DUSP18: variants seen among roughly 807,000 people sequenced by gnomAD.
DUSP18 encodes dual specificity protein phosphatase 18.
DUSP18 carries 4 observed loss-of-function variants against 6.3 expected under a neutral mutation model. The observed-to-expected ratio is 0.63, with a 90% CI of 0.31 to 1.45. The LOEUF is 1.45. DUSP18 is among the 40% of genes most tolerant of loss of function. DUSP18 has a pLI of 0.07. For synonymous variants in DUSP18, 96 were observed against 95.1 expected, an observed-to-expected ratio of 1.01 and a Z score of -0.05; for missense variants, 235 against 247.7, an observed-to-expected ratio of 0.95 and a Z score of 0.34.
intron 2 of DUSP18, chr22:30,654,296 G>A: frequency 2.2e-6 from 1 of 456,628 alleles, no homozygotes; most frequent in Non-Finnish European, 4.4e-6. Context: ...CCCATGAGCT[G>A]TTTCTTATTC....
chr22:30,654,723 C>A, intron 2 of DUSP18: 1 of 333,300 alleles, frequency 3.0e-6, no homozygotes, highest in South Asian at 2.6e-5. Context: ...AGTGTACGAC[C>A]ACCACCTTCC....
downstream of DUSP18, among the ~76,000 whole-genome samples, chr22:30,659,376 TTC>T (rs1490413777): frequency 1.3e-5 from 2 of 152,154 alleles, no homozygotes; most frequent in African/African-American, 4.8e-5. Context: ...GACTCTTTTT[TTC>T]TCTCTTTTTT....
chr22:30,657,403 A>G (rs1055297099), downstream of DUSP18, among the ~76,000 whole-genome samples: 4 of 146,668 alleles, frequency 2.7e-5, no homozygotes, highest in African/African-American at 1.0e-4. Flanking sequence ...AGGTTGCAGT[A>G]AGCCGAGATC....
downstream of DUSP18, among the ~76,000 whole-genome samples, chr22:30,661,198 A>AC (rs1230199743): frequency 4.0e-5 from 6 of 151,556 alleles, no homozygotes; most frequent in Admixed American, 6.6e-5. Context: ...TACAATAGCC[A>AC]CCCCCCCGCC....
chr22:30,654,611 G>A (rs2088296633), intron 2 of DUSP18: 2 of 465,196 alleles, frequency 4.3e-6, no homozygotes, highest in African/African-American at 2.0e-5. Context: ...GCCCAGAAGT[G>A]GTAGGTGCCT....
chr22:30,659,397 G>C (rs1339294989), downstream of DUSP18, among the ~76,000 whole-genome samples: 3 of 151,954 alleles, frequency 2.0e-5, no homozygotes, highest in Admixed American at 6.6e-5. Context: ...TTTTGAGATG[G>C]AGTTTCACTC....
At chr22:30,665,616 C>A in intron 1 of DUSP18, 1 of 461,610 alleles carries the variant, frequency 2.2e-6, no homozygotes, top group Non-Finnish European at 4.5e-6. Flanking sequence ...GTTTGACCAA[C>A]TCTGCTCCAG....
At position 30,663,063 on chromosome 22, in the gene DUSP18, TG is replaced by T; in HGVS notation, c.*373del. On this transcript the variant is annotated 3_prime_UTR_variant, in exon 2 of 2. Transcript: ENST00000334679. ...ATGCTTAAGGCTCTGGCTCTGGGTG[TG>T]AAAGAATGAGGTGGAATTGTAGCAG... is the stretch of plus-strand genomic sequence containing the variant. 1 of 200,110 alleles carries T rather than the reference TG, an allele frequency of 5.0e-6. No homozygotes were observed. The highest frequency in any genetic ancestry group is 2.3e-5 in the African/African-American group (1 of 42,752). 12.4% of individuals were successfully genotyped at this position (200,110 alleles called of 1,614,324 possible).
At chr22:30,659,083 C>T (rs901524090), downstream of DUSP18, among the ~76,000 whole-genome samples, 1 of 143,704 alleles carries the variant, frequency 7.0e-6, no homozygotes, top group Admixed American at 7.2e-5. Context: ...GGGATTGCGC[C>T]ATTGCACTCC....
chr22:30,663,988 A>C lies in DUSP18; in HGVS notation c.16T>G (p.Cys6Gly), dbSNP rs2088566939. The C allele has an allele frequency of 4.3e-6, 7 of 1,613,200 alleles. No homozygotes were observed. Among genetic ancestry groups the C allele is most frequent in the Non-Finnish European group, 5.9e-6 (7 of 1,179,186 alleles). The change falls in exon 2 of 2, where the codon TGT (cysteine) becomes GGT (glycine). Residue 6 changes from cysteine to glycine, a missense_variant. Physicochemically the swap from Cys to Gly is radical, Grantham distance 159. Coordinates refer to ENST00000334679, the MANE Select transcript of DUSP18 (RefSeq NM_152511.5). MTAPS[C>G]AFPVQFRQPS... Reference sequence around the variant, plus strand: ...TGCCGGAACTGAACTGGGAAGGCACACGAGGGTGCTGTCATCAAGGCGGTG... The same window carrying C: ...TGCCGGAACTGAACTGGGAAGGCACCCGAGGGTGCTGTCATCAAGGCGGTG...
intron 1 of DUSP18, chr22:30,664,912 C>A (rs2088593515): frequency 6.6e-6 from 1 of 152,598 alleles, no homozygotes; most frequent in Non-Finnish European, 1.5e-5. Flanking sequence ...TGCAGCAGAG[C>A]TGTGAAACAC....
At position 30,663,697 on chromosome 22, in the gene DUSP18, G is replaced by A; in HGVS notation, c.307C>T (p.His103Tyr). 6.2e-7 allele frequency: 1 copy of A among 1,614,258 alleles called. No individual in the cohort carries two copies. The highest frequency in any genetic ancestry group is 8.5e-7 in the Non-Finnish European group (1 of 1,180,050). The change falls in exon 2 of 2, where the codon CAC (histidine) becomes TAC (tyrosine). Residue 103 changes from histidine to tyrosine, a missense_variant. Physicochemically the swap from His to Tyr is moderately conservative, Grantham distance 83 (BLOSUM62 2). Transcript: ENST00000334679. Reference protein sequence around the residue: ...VEMKQGRTLLHCAAGVSRSAA... With the variant: ...VEMKQGRTLLYCAAGVSRSAA... ...GAGCGGCTCACACCAGCAGCACAGT[G>A]CAGCAAAGTACGGCCCTGCTTCATC...
chr22:30,654,031 G>C (rs2088282541), intron 2 of DUSP18: 1 of 156,898 alleles, frequency 6.4e-6, no homozygotes, highest in South Asian at 1.8e-4. Flanking sequence ...CCAGGCTGGA[G>C]TGCAGTGGCG....
chr22:30,663,542 A>C lies in DUSP18; in HGVS notation c.462T>G (p.Tyr154Ter). The change falls in exon 2 of 2, where the codon TAT (tyrosine) becomes TAG (stop). Residue 154 changes from tyrosine (Y) to a stop codon, truncating the protein, a stop_gained. Coordinates refer to ENST00000334679, the MANE Select transcript of DUSP18 (RefSeq NM_152511.5). LOFTEE classifies it high-confidence loss of function. Reference sequence around the variant, plus strand: ...TGTTCTTGCCAAACAATTGGAACTCATAGTGGATGAGCTGCTCCCAAAAGC... The same window carrying C: ...TGTTCTTGCCAAACAATTGGAACTCCTAGTGGATGAGCTGCTCCCAAAAGC... ...NSGFWEQLIHYEFQLFGKNTV... is the reference protein window; with the variant it reads ...NSGFWEQLIH The C allele has an allele frequency of 3.1e-6, 5 of 1,614,208 alleles. No individual in the cohort carries two copies. The highest frequency in any genetic ancestry group is 4.2e-6 in the Non-Finnish European group (5 of 1,180,024).
chr22:30,660,312 T>A (rs945903346), downstream of DUSP18, among the ~76,000 whole-genome samples: 7 of 22,444 alleles, frequency 3.1e-4, no homozygotes, highest in South Asian at 3.8e-3. Flanking sequence ...GAGAAAAAAA[T>A]TTTTTTTTTG....
At chr22:30,666,961 A>G (rs1288734305) in intron 1 of DUSP18, 3 of 152,234 alleles carry the variant, frequency 2.0e-5, no homozygotes, top group South Asian at 2.1e-4. Context: ...AGTGTAAAAA[A>G]GATTTCTTCC....
downstream of DUSP18, among the ~76,000 whole-genome samples, chr22:30,658,846 T>C (rs2088398285): frequency 6.6e-6 from 1 of 151,870 alleles, no homozygotes; most frequent in African/African-American, 2.4e-5. Context: ...GGCAAAGGCT[T>C]TGAAACTGAA....
chr22:30,666,557 G>A (rs553048762), intron 1 of DUSP18, among the ~76,000 whole-genome samples: 1 of 145,976 alleles, frequency 6.9e-6, no homozygotes, highest in South Asian at 2.1e-4. Flanking sequence ...GGGAGGCGGA[G>A]GCTGCAGTGA....
Position 30,667,720 on chromosome 22 carries a change from G to A in DUSP18, c.-336C>T, listed in dbSNP as rs1284624162. On this transcript the variant is annotated 5_prime_UTR_variant, in exon 1 of 2. Transcript: ENST00000334679. ...AACCTGTTACCCGCCCTGCCGGCAA[G>A]CCGGGGTCACTGCAGTCCCCGTGGC... is the stretch of plus-strand genomic sequence containing the variant. 6.5e-6 allele frequency: 1 copy of A among 152,840 alleles called. No homozygotes were observed. 9.5% of individuals were successfully genotyped at this position (152,840 alleles called of 1,614,324 possible). A position where few individuals can be genotyped will look rare whatever the true frequency, so the allele number is the denominator to read the frequency against.
Sources: allele counts gnomAD v4.1 joint callset (sites outside exome capture counted in the v4.1 genomes callset), GRCh38; gene constraint gnomAD v4.1.1; transcripts MANE v1.5; gene names NCBI Gene and HGNC (gene_info 2026-07-23, HGNC 2026-07-21).